ADAMTS17: variants seen among roughly 807,000 people sequenced by gnomAD.
ADAMTS17 encodes ADAM metallopeptidase with thrombospondin type 1 motif 17.
A neutral mutation model predicts 141.5 loss-of-function variants in ADAMTS17; 113 were observed. The ratio of observed to expected loss-of-function variants is 0.80; its 90% CI spans 0.69 to 0.93. The LOEUF (loss-of-function observed/expected upper bound fraction) is 0.93, where lower values mean the gene tolerates loss of function less well. Among genes scored for constraint, ADAMTS17 ranks in the 40% least tolerant of loss-of-function variants. The probability of loss-of-function intolerance (pLI) is 0.00; values close to 1 mark genes in which losing one functional copy is unlikely to be tolerated. For synonymous variants in ADAMTS17, 768 were observed against 630.6 expected, an observed-to-expected ratio of 1.22 and a Z score of -3.27; for missense variants, 1,659 against 1,517.9, an observed-to-expected ratio of 1.09 and a Z score of -1.54.
chr15:100,148,191 T>C (rs1278946358), intron 10 of ADAMTS17, among the ~76,000 whole-genome samples: 1 of 152,250 alleles, frequency 6.6e-6, no homozygotes, highest in Admixed American at 6.5e-5. Flanking sequence ...TCATAGGTGC[T>C]GAGGATAGGA....
intron 7 of ADAMTS17, among the ~76,000 whole-genome samples, chr15:100,230,914 G>A (rs982045418): frequency 1.3e-5 from 2 of 152,140 alleles, no homozygotes; most frequent in Non-Finnish European, 2.9e-5. Context: ...GCAGCCAGGG[G>A]ACAAGAACAG....
In ADAMTS17 at chr15:100,042,209, T is replaced by G. The variant is rs555150947; in HGVS notation, c.2591+6648A>C. ...TTTCCTAAGGTCAGGTTTTCTACTT[T>G]TCTTCACTTACTAGCATGAATCCAT... is the stretch of plus-strand genomic sequence containing the variant. On this transcript the variant is annotated intron_variant, in intron 18 of 21. Transcript: ENST00000268070. 2.0e-5 allele frequency among the ~76,000 whole-genome samples: 3 copies of G among 152,336 alleles called. No individual in the cohort carries two copies. In the South Asian group the frequency reaches 6.2e-4, roughly 32 times the overall value.
chr15:100,236,758 A>G (rs575283774), intron 7 of ADAMTS17, among the ~76,000 whole-genome samples: 55 of 152,228 alleles, frequency 3.6e-4, no homozygotes, highest in Non-Finnish European at 6.3e-4. Flanking sequence ...GGATTGCTTG[A>G]GCCCAGGAGG....
At chr15:100,315,061 C>G (rs553487913) in intron 3 of ADAMTS17, among the ~76,000 whole-genome samples, 34 of 152,326 alleles carry the variant, frequency 2.2e-4, no homozygotes, top group African/African-American at 5.5e-4. Context: ...ATGGCATGAC[C>G]TGGGGCAGGT....
At chr15:100,258,483 G>T (rs1333756407) in intron 6 of ADAMTS17, among the ~76,000 whole-genome samples, 2 of 152,192 alleles carry the variant, frequency 1.3e-5, no homozygotes, top group Non-Finnish European at 2.9e-5. Context: ...TGCACTTATA[G>T]TTCCACATGG....
At chr15:100,118,587 T>C (rs1046176666) in intron 12 of ADAMTS17, among the ~76,000 whole-genome samples, 2 of 152,124 alleles carry the variant, frequency 1.3e-5, no homozygotes, top group African/African-American at 4.8e-5. Context: ...AAGGGAGGCA[T>C]CAGTTCCAGA....
intron 7 of ADAMTS17, among the ~76,000 whole-genome samples, chr15:100,229,497 G>C (rs2042410994): frequency 6.6e-6 from 1 of 152,144 alleles, no homozygotes; most frequent in Non-Finnish European, 1.5e-5. Flanking sequence ...TCTGCCTGTT[G>C]ACCTGGATGC....
At chr15:100,263,828 C>T (rs1193507000) in intron 4 of ADAMTS17, among the ~76,000 whole-genome samples, 1 of 152,214 alleles carries the variant, frequency 6.6e-6, no homozygotes, top group African/African-American at 2.4e-5. Flanking sequence ...AAACTTTCTC[C>T]AGCAGGTGCT....
At chr15:100,137,103 T>A (rs1387649687) in intron 10 of ADAMTS17, among the ~76,000 whole-genome samples, 1 of 152,188 alleles carries the variant, frequency 6.6e-6, no homozygotes, top group African/African-American at 2.4e-5. Flanking sequence ...CTGGAGAAGT[T>A]ACCACAGGAC....
At chr15:100,124,269 T>C (rs1055178525) in intron 12 of ADAMTS17, among the ~76,000 whole-genome samples, 5 of 152,196 alleles carry the variant, frequency 3.3e-5, no homozygotes, top group African/African-American at 9.7e-5. Flanking sequence ...CCAGGCCTGT[T>C]CTAGGACTCC....
chr15:100,241,403 C>T (rs562566621), intron 7 of ADAMTS17, among the ~76,000 whole-genome samples: 15 of 152,314 alleles, frequency 9.8e-5, no homozygotes, highest in Middle Eastern at 3.4e-3. Flanking sequence ...TTTGAGACCT[C>T]GAAGTATTTC....
chr15:100,063,686 G>A (rs1238028477), intron 15 of ADAMTS17: 15 of 1,289,884 alleles, frequency 1.2e-5, no homozygotes, highest in African/African-American at 1.5e-5. Flanking sequence ...TACCCAGAAA[G>A]CTGTGGGCAG....
At chr15:100,109,681 G>A (rs1339030897) in intron 13 of ADAMTS17, among the ~76,000 whole-genome samples, 4 of 152,086 alleles carry the variant, frequency 2.6e-5, no homozygotes, top group African/African-American at 4.8e-5. Flanking sequence ...TGCGCCGCTA[G>A]GACAACTTAT....
At chr15:100,054,998 T>C (rs919852887) in intron 15 of ADAMTS17, among the ~76,000 whole-genome samples, 3 of 152,128 alleles carry the variant, frequency 2.0e-5, no homozygotes, top group African/African-American at 7.2e-5. Context: ...GCTGCTGTTA[T>C]TTAGGGAAAA....
At chr15:100,256,320 G>A (rs971793682) in intron 6 of ADAMTS17, 17 of 152,224 alleles carry the variant, frequency 1.1e-4, no homozygotes, top group African/African-American at 4.1e-4. Context: ...CCATGCCCTG[G>A]GCTAACACTC....
chr15:100,142,730 A>G (rs2038718371), intron 10 of ADAMTS17, among the ~76,000 whole-genome samples: 1 of 152,152 alleles, frequency 6.6e-6, no homozygotes, highest in Admixed American at 6.5e-5. Context: ...GTGATCTAGA[A>G]AGCATCTCCA....
At chr15:100,216,730 G>C (rs1336118856) in intron 7 of ADAMTS17, among the ~76,000 whole-genome samples, 2 of 152,128 alleles carry the variant, frequency 1.3e-5, no homozygotes, top group Non-Finnish European at 2.9e-5. Flanking sequence ...CGCCCACCTT[G>C]GTTAGGTCCT....
intron 18 of ADAMTS17, among the ~76,000 whole-genome samples, chr15:100,010,365 T>C (rs1000189688): frequency 1.3e-5 from 2 of 152,234 alleles, no homozygotes; most frequent in African/African-American, 4.8e-5. Flanking sequence ...AGGAGGTGCC[T>C]GCACAGGGGA....
chr15:100,335,109 C>T (rs988272309), intron 2 of ADAMTS17, among the ~76,000 whole-genome samples: 4 of 152,130 alleles, frequency 2.6e-5, no homozygotes, highest in Non-Finnish European at 4.4e-5. Flanking sequence ...GAAATGCAAG[C>T]TCTCAGGCCC....
Sources: allele counts gnomAD v4.1 joint callset (sites outside exome capture counted in the v4.1 genomes callset), GRCh38; gene constraint gnomAD v4.1.1; transcripts MANE v1.5; gene names NCBI Gene and HGNC (gene_info 2026-07-23, HGNC 2026-07-21).